PHF21B: variants seen among roughly 807,000 people sequenced by gnomAD.
PHF21B encodes the protein PHD finger protein 4.
A neutral mutation model predicts 62.2 loss-of-function variants in PHF21B; 22 were observed. That is an observed-to-expected ratio of 0.35 (90% confidence interval 0.25 to 0.51). The LOEUF (loss-of-function observed/expected upper bound fraction) is 0.51. Ranked by LOEUF, PHF21B falls within the 20% of genes least tolerant of loss-of-function variation. PHF21B has a pLI of 0.97. For synonymous variants in PHF21B, 341 were observed against 314.7 expected, an observed-to-expected ratio of 1.08 and a Z score of -0.88; for missense variants, 701 against 707.9, an observed-to-expected ratio of 0.99 and a Z score of 0.11.
chr22:44,886,122 G>A (rs1478098211), intron 10 of PHF21B, among the ~76,000 whole-genome samples, 184 bp from the exon 11 acceptor site: 1 of 152,094 alleles, frequency 6.6e-6, no homozygotes, highest in Non-Finnish European at 1.5e-5. Context: ...ACAGCTCCAC[G>A]AGGCTGGAAC....
intron 6 of PHF21B, among the ~76,000 whole-genome samples, chr22:44,894,013 G>A (rs1416228604): frequency 6.6e-6 from 1 of 152,202 alleles, no homozygotes; most frequent in African/African-American, 2.4e-5. Flanking sequence ...AGCGAGAGGG[G>A]GCATGGCCAC....
At chr22:44,962,979 T>C (rs191259262) in intron 2 of PHF21B, among the ~76,000 whole-genome samples, 5 of 152,368 alleles carry the variant, frequency 3.3e-5, no homozygotes, top group African/African-American at 1.2e-4. Context: ...CATTACTTCA[T>C]GGTTTGCAAG....
At chr22:44,915,417 C>T (rs2056380266) in intron 4 of PHF21B, among the ~76,000 whole-genome samples, 1 of 152,210 alleles carries the variant, frequency 6.6e-6, no homozygotes, top group Admixed American at 6.5e-5. Context: ...TTGGGTGAAA[C>T]AGACACACTC....
intron 2 of PHF21B, among the ~76,000 whole-genome samples, chr22:44,968,463 G>A (rs763581537): frequency 4.6e-5 from 7 of 152,068 alleles, no homozygotes; most frequent in Non-Finnish European, 7.4e-5. Context: ...GGCCAACATG[G>A]CAAAACCCTG....
At chr22:44,928,499 TC>T (rs1017277031) in intron 2 of PHF21B, among the ~76,000 whole-genome samples, 3 of 152,144 alleles carry the variant, frequency 2.0e-5, no homozygotes, top group Non-Finnish European at 4.4e-5. Flanking sequence ...AACCTCTGCT[TC>T]CCGGGTTCAA....
intron 2 of PHF21B, among the ~76,000 whole-genome samples, chr22:44,994,117 C>G (rs1481485809): frequency 1.3e-5 from 2 of 152,234 alleles, no homozygotes; most frequent in Admixed American, 6.5e-5. Context: ...CGGCCCGGGG[C>G]ATCCCCGCAA....
At chr22:44,980,248 G>A (rs1417349370) in intron 2 of PHF21B, among the ~76,000 whole-genome samples, 1 of 152,158 alleles carries the variant, frequency 6.6e-6, no homozygotes, top group Non-Finnish European at 1.5e-5. Flanking sequence ...CAGCATGTCT[G>A]GCCCCCAGTG....
intron 2 of PHF21B, among the ~76,000 whole-genome samples, chr22:44,951,466 C>T (rs1449784804): frequency 2.0e-5 from 3 of 152,230 alleles, no homozygotes. Flanking sequence ...GCCCCAGTTC[C>T]TAACAGGCCA....
At chr22:44,930,828 G>A (rs958060990) in intron 2 of PHF21B, among the ~76,000 whole-genome samples, 1 of 152,220 alleles carries the variant, frequency 6.6e-6, no homozygotes, top group Non-Finnish European at 1.5e-5. Context: ...CCCCAACCCC[G>A]AGGTACTGAG....
chr22:44,887,861 T>C (rs1601563831), intron 10 of PHF21B, 102 bp downstream of exon 10: 1 of 1,253,016 alleles, frequency 8.0e-7, no homozygotes, highest in Non-Finnish European at 1.0e-6. Flanking sequence ...AAAGCCTTCC[T>C]ATACCCAAGC....
chr22:44,982,171 G>GT (rs1337039263), intron 2 of PHF21B, among the ~76,000 whole-genome samples: 20 of 151,386 alleles, frequency 1.3e-4, no homozygotes, highest in African/African-American at 2.4e-4. Context: ...CAGCCTCAGT[G>GT]TTTTTTTTTC....
chr22:44,931,530 G>A (rs990095088), intron 2 of PHF21B, among the ~76,000 whole-genome samples: 3 of 151,732 alleles, frequency 2.0e-5, no homozygotes, highest in African/African-American at 2.4e-5. Flanking sequence ...AGCGGCCCTC[G>A]GCGTTGCAGA....
At chr22:44,903,108 A>G (rs1309827476) in intron 5 of PHF21B, among the ~76,000 whole-genome samples, 1 of 152,096 alleles carries the variant, frequency 6.6e-6, no homozygotes, top group Non-Finnish European at 1.5e-5. Flanking sequence ...CAGGAGACAT[A>G]TTTTGCCTGG....
intron 2 of PHF21B, among the ~76,000 whole-genome samples, chr22:44,967,579 G>A (rs984252230): frequency 6.6e-6 from 1 of 152,172 alleles, no homozygotes; most frequent in Non-Finnish European, 1.5e-5. Flanking sequence ...TTACGGAAAA[G>A]TTATGAAGAT....
chr22:44,891,103 A>T (rs1264440916), intron 8 of PHF21B, among the ~76,000 whole-genome samples: 1 of 152,176 alleles, frequency 6.6e-6, no homozygotes, highest in African/African-American at 2.4e-5. Context: ...CTCCCAGGCC[A>T]CAGCTCCAAG....
At chr22:44,885,727 G>A in intron 11 of PHF21B, 136 bp downstream of exon 11, 2 of 1,100,098 alleles carry the variant, frequency 1.8e-6, no homozygotes, top group Non-Finnish European at 2.7e-6. Flanking sequence ...ACCGGTCCCA[G>A]GATCCCACTT....
At chr22:44,916,209 C>A in intron 4 of PHF21B, 71 bp downstream of exon 4, 2 of 1,434,952 alleles carry the variant, frequency 1.4e-6, no homozygotes, top group South Asian at 2.6e-5. Context: ...TTTGGCCCTT[C>A]CCAAATGATT....
At chr22:44,905,060 T>C (rs1482944814) in intron 5 of PHF21B, among the ~76,000 whole-genome samples, 1 of 152,216 alleles carries the variant, frequency 6.6e-6, no homozygotes, top group Non-Finnish European at 1.5e-5. Flanking sequence ...ACCTGAGAGA[T>C]GGAGTCTACT....
At chr22:44,963,347 G>C (rs1235965827) in intron 2 of PHF21B, among the ~76,000 whole-genome samples, 1 of 152,256 alleles carries the variant, frequency 6.6e-6, no homozygotes, top group Non-Finnish European at 1.5e-5. Flanking sequence ...GACCCACCAT[G>C]CTGAACTGTG....
Sources: allele counts gnomAD v4.1 joint callset (sites outside exome capture counted in the v4.1 genomes callset), GRCh38; gene constraint gnomAD v4.1.1; transcripts MANE v1.5; gene names NCBI Gene and HGNC (gene_info 2026-07-23, HGNC 2026-07-21).